The following PLPPR5 variants were observed in gnomAD, a reference collection of about 807,000 sequenced individuals.
PLPPR5 encodes phospholipid phosphatase-related protein type 5.
A neutral mutation model predicts 33.9 loss-of-function variants in PLPPR5; 16 were observed. That is an observed-to-expected ratio of 0.47 (90% CI 0.32 to 0.72). The LOEUF is 0.72. Among genes scored for constraint, PLPPR5 ranks in the 30% least tolerant of loss-of-function variants. The pLI, the probability that PLPPR5 is intolerant of heterozygous loss-of-function variation, is 0.03. For synonymous variants in PLPPR5, 163 were observed against 150.3 expected (o/e 1.08, Z -0.62); for missense variants, 301 against 406.7 (o/e 0.74, Z 2.23).
Position 98,994,726 on chromosome 1 carries a change from T to C in PLPPR5, c.237+9709A>G, listed in dbSNP as rs865802017. Among the ~76,000 whole-genome samples the C allele has an allele frequency of 5.1e-4, 77 of 152,270 alleles. 2 individuals are homozygous for C. In the Middle Eastern group the frequency reaches 0.048, roughly 94 times the overall value. ...ATCAGAAAGGTCCCACTCCAAAGTC[T>C]TTTTGCTATCTGCATGTTAATTACC... On this transcript the variant is annotated intron_variant, in intron 1 of 5. Coordinates refer to ENST00000263177, the MANE Select transcript of PLPPR5 (RefSeq NM_001037317.2).
At chr1:98,942,076 AAGAGAGAG>A in intron 3 of PLPPR5, among the ~76,000 whole-genome samples, 1 of 148,304 alleles carries the variant, frequency 6.7e-6, no homozygotes, top group Non-Finnish European at 1.5e-5. Context: ...GAGAGGAAGA[AAGAGAGAG>A]AGAGAGAGAG....
At chr1:98,978,321 T>C (rs2100749907) in intron 1 of PLPPR5, among the ~76,000 whole-genome samples, 1 of 152,192 alleles carries the variant, frequency 6.6e-6, no homozygotes, top group South Asian at 2.1e-4. Context: ...GGTCTCGCAG[T>C]CTTTGATTTT....
At chr1:98,984,960 G>T (rs1206534202) in intron 1 of PLPPR5, among the ~76,000 whole-genome samples, 1 of 151,794 alleles carries the variant, frequency 6.6e-6, no homozygotes, top group African/African-American at 2.4e-5. Flanking sequence ...CTTGTATTGA[G>T]CTGGCTATGT....
chr1:98,914,856 T>C lies in PLPPR5; in HGVS notation c.863A>G (p.Asn288Ser). 1.2e-6 allele frequency: 2 copies of C among 1,613,260 alleles called. No homozygotes were observed. Among genetic ancestry groups the C allele is most frequent in the South Asian group, 2.2e-5 (2 of 91,058 alleles). Residue 288 changes from asparagine to serine, a missense_variant, in exon 5 of 6, where the codon AAT becomes AGT. Coordinates refer to ENST00000263177, the MANE Select transcript of PLPPR5 (RefSeq NM_001037317.2). ...GCTGATCATTGGCATCTGTGCCAGA[T>C]TATCCATGTGTATATGCTCATTTTC... ...QAENEHIHMD[N>S]LAQMPMISIP...
intron 3 of PLPPR5, among the ~76,000 whole-genome samples, chr1:98,937,336 C>T (rs1650206730): frequency 6.6e-6 from 1 of 152,222 alleles, no homozygotes; most frequent in Non-Finnish European, 1.5e-5. Flanking sequence ...CCCTTGCATT[C>T]TTGAATCTTC....
chr1:98,905,347 A>G (rs1460829510), intron 5 of PLPPR5, among the ~76,000 whole-genome samples: 1 of 152,170 alleles, frequency 6.6e-6, no homozygotes, highest in Non-Finnish European at 1.5e-5. Flanking sequence ...AACTTTACCA[A>G]TTAGGATGTT....
intron 5 of PLPPR5, among the ~76,000 whole-genome samples, chr1:98,909,104 AG>A (rs1232175096): frequency 3.9e-5 from 6 of 152,036 alleles, no homozygotes. Flanking sequence ...AAGGAAGGGA[AG>A]GAGGGACAGA....
chr1:98,946,288 G>A (rs139651271), intron 3 of PLPPR5, among the ~76,000 whole-genome samples: 222 of 152,174 alleles, frequency 1.5e-3, no homozygotes, highest in Non-Finnish European at 2.5e-3. Context: ...TGCATTCTAG[G>A]TATTCAATAT....
chr1:98,969,095 A>G (rs1651555610), intron 1 of PLPPR5, among the ~76,000 whole-genome samples: 1 of 152,094 alleles, frequency 6.6e-6, no homozygotes, highest in Non-Finnish European at 1.5e-5. Flanking sequence ...AGTGTTTTCC[A>G]AACTTATTTG....
chr1:98,946,969 A>G (rs1453892647), intron 3 of PLPPR5, among the ~76,000 whole-genome samples: 1 of 152,120 alleles, frequency 6.6e-6, no homozygotes, highest in East Asian at 1.9e-4. Flanking sequence ...GAAGGGGCCC[A>G]TGAAGGCAAA....
chr1:98,922,761 A>G (rs1649615415), intron 3 of PLPPR5, among the ~76,000 whole-genome samples: 3 of 152,138 alleles, frequency 2.0e-5, no homozygotes, highest in Admixed American at 6.6e-5. Flanking sequence ...CGAGGCGGGC[A>G]GATAATGAGG....
chr1:98,997,034 C>T (rs1028734490), intron 1 of PLPPR5, among the ~76,000 whole-genome samples: 1 of 152,120 alleles, frequency 6.6e-6, no homozygotes, highest in Non-Finnish European at 1.5e-5. Flanking sequence ...CCTACATATG[C>T]TATCTGAAAG....
At chr1:98,930,442 C>T (rs1288757832) in intron 3 of PLPPR5, among the ~76,000 whole-genome samples, 1 of 152,038 alleles carries the variant, frequency 6.6e-6, no homozygotes, top group Admixed American at 6.6e-5. Context: ...CATATATCAT[C>T]TAGAACCAGA....
intron 1 of PLPPR5, among the ~76,000 whole-genome samples, chr1:98,965,279 A>C (rs559277641): frequency 6.6e-6 from 1 of 152,256 alleles, no homozygotes; most frequent in African/African-American, 2.4e-5. Context: ...AGACCTTCTC[A>C]AACTTGAGTA....
chr1:98,901,752 G>T (rs1557662367), intron 5 of PLPPR5, among the ~76,000 whole-genome samples: 1 of 151,946 alleles, frequency 6.6e-6, no homozygotes, highest in Non-Finnish European at 1.5e-5. Context: ...AAGTGTTCAT[G>T]CTCTGTTTCT....
chr1:98,947,887 T>C (rs1453467023), intron 3 of PLPPR5, among the ~76,000 whole-genome samples: 3 of 152,254 alleles, frequency 2.0e-5, no homozygotes, highest in African/African-American at 7.2e-5. Flanking sequence ...ACATAGCAGA[T>C]GCTTCATCAA....
At chr1:98,951,148 A>C (rs574666470) in intron 3 of PLPPR5, among the ~76,000 whole-genome samples, 3 of 152,346 alleles carry the variant, frequency 2.0e-5, no homozygotes, top group South Asian at 4.1e-4. Flanking sequence ...ACAAATATGA[A>C]CATCAAATTT....
chr1:98,977,392 T>A (rs1651900719), intron 1 of PLPPR5, among the ~76,000 whole-genome samples: 1 of 151,690 alleles, frequency 6.6e-6, no homozygotes. Flanking sequence ...CACAATGGAG[T>A]CAACTCACAA....
chr1:98,942,007 T>TATATAC (rs1491509361), intron 3 of PLPPR5, among the ~76,000 whole-genome samples: 197 of 131,286 alleles, frequency 1.5e-3, no homozygotes, highest in African/African-American at 5.2e-3. Flanking sequence ...TATATATATA[T>TATATAC]ACACATATAC....
Sources: gnomAD v4.1 joint callset for allele counts (sites outside exome capture counted in the v4.1 genomes callset) on GRCh38, gnomAD v4.1.1 for gene constraint, MANE v1.5 for transcripts, NCBI Gene and HGNC (gene_info 2026-07-23, HGNC 2026-07-21) for gene names.